The following EFCAB11 variants were observed in gnomAD, a reference collection of about 807,000 sequenced individuals.
EFCAB11 encodes the protein EF-hand calcium binding domain 11.
A neutral mutation model predicts 23.0 loss-of-function variants in EFCAB11; 14 were observed. That is an observed-to-expected ratio of 0.61 (90% CI 0.40 to 0.95). EFCAB11 has a LOEUF of 0.95. Among genes scored for constraint, EFCAB11 ranks in the 40% least tolerant of loss-of-function variants. The pLI, the probability that EFCAB11 is intolerant of heterozygous loss-of-function variation, is 0.00. For missense variants in EFCAB11, 198 were observed against 195.8 expected, an observed-to-expected ratio of 1.01 and a Z score of -0.07; for synonymous variants, 65 against 66.6, an observed-to-expected ratio of 0.98 and a Z score of 0.11.
At chr14:89,869,943 C>T (rs1888215426) in intron 5 of EFCAB11, among the ~76,000 whole-genome samples, 1 of 152,170 alleles carries the variant, frequency 6.6e-6, no homozygotes, top group Non-Finnish European at 1.5e-5. Context: ...TCACAGGGGA[C>T]ACAAAAAGCA....
At chr14:89,890,074 G>C (rs1338282655) in intron 5 of EFCAB11, among the ~76,000 whole-genome samples, 1 of 152,162 alleles carries the variant, frequency 6.6e-6, no homozygotes, top group Non-Finnish European at 1.5e-5. Context: ...TTTGTCGTAG[G>C]TATAAGTACT....
chr14:89,880,249 C>G (rs1888559634), intron 5 of EFCAB11, among the ~76,000 whole-genome samples: 1 of 152,194 alleles, frequency 6.6e-6, no homozygotes, highest in Non-Finnish European at 1.5e-5. Context: ...AGAGCACTCC[C>G]TTGTTCCTTT....
intron 5 of EFCAB11, among the ~76,000 whole-genome samples, chr14:89,881,466 T>TA (rs10524743): frequency 8.2e-5 from 10 of 122,228 alleles, no homozygotes; most frequent in African/African-American, 2.4e-4. Context: ...TATATATATA[T>TA]TCTTTTTTTT....
At chr14:89,924,910 A>G (rs772293677) in intron 5 of EFCAB11, among the ~76,000 whole-genome samples, 2 of 152,278 alleles carry the variant, frequency 1.3e-5, no homozygotes, top group Non-Finnish European at 2.9e-5. Context: ...ACTGCAGTGC[A>G]AAAGGCAACA....
chr14:89,920,903 A>G (rs762516087), intron 5 of EFCAB11, among the ~76,000 whole-genome samples: 1 of 152,076 alleles, frequency 6.6e-6, no homozygotes, highest in Non-Finnish European at 1.5e-5. Flanking sequence ...CATCTCTACT[A>G]TAAATACAAA....
At chr14:89,857,957 A>G (rs1192078002) in intron 5 of EFCAB11, among the ~76,000 whole-genome samples, 1 of 152,262 alleles carries the variant, frequency 6.6e-6, no homozygotes, top group Non-Finnish European at 1.5e-5. Flanking sequence ...TGGAGAAGAA[A>G]CTACATAAAT....
At chr14:89,877,512 C>T (rs1888477055) in intron 5 of EFCAB11, among the ~76,000 whole-genome samples, 1 of 152,140 alleles carries the variant, frequency 6.6e-6, no homozygotes, top group Admixed American at 6.6e-5. Context: ...ATCTTATTTC[C>T]TTGCTTCTCT....
intron 5 of EFCAB11, chr14:89,892,253 G>A (rs1888995510): frequency 4.3e-6 from 7 of 1,612,810 alleles, no homozygotes; most frequent in Non-Finnish European, 5.9e-6. Flanking sequence ...CATGGCCTTC[G>A]TGGAGACCTC....
At chr14:89,947,376 T>A (rs1016452610) in intron 3 of EFCAB11, among the ~76,000 whole-genome samples, 1 of 152,196 alleles carries the variant, frequency 6.6e-6, no homozygotes, top group Non-Finnish European at 1.5e-5. Flanking sequence ...CTTGGAAACA[T>A]GTTCTTCCAT....
At chr14:89,853,561 C>T (rs1242221241) in intron 5 of EFCAB11, among the ~76,000 whole-genome samples, 1 of 152,144 alleles carries the variant, frequency 6.6e-6, no homozygotes, top group Non-Finnish European at 1.5e-5. Context: ...AGTGGTGAGG[C>T]TGAGATTTTC....
intron 5 of EFCAB11, among the ~76,000 whole-genome samples, chr14:89,921,237 G>A (rs533610867): frequency 3.3e-5 from 5 of 152,252 alleles, no homozygotes; most frequent in African/African-American, 9.6e-5. Flanking sequence ...TATATGGCAA[G>A]AAGACCAGAA....
Position 89,797,212 on chromosome 14 carries a change from C to T in EFCAB11, c.*31G>A, listed in dbSNP as rs1196415633. On this transcript the variant is annotated 3_prime_UTR_variant, in exon 6 of 6. Coordinates refer to ENST00000316738, the MANE Select transcript of EFCAB11 (RefSeq NM_145231.4). ...TGCTGACATTACAATCTATTGATCTCCCCAGAGTTACCAAAAGTAGTTCAC... is the reference window on the plus strand; with the variant it reads ...TGCTGACATTACAATCTATTGATCTTCCCAGAGTTACCAAAAGTAGTTCAC... 1 of 1,584,132 alleles carries T rather than the reference C, an allele frequency of 6.3e-7. No homozygotes were observed. Among genetic ancestry groups the T allele is most frequent in the Non-Finnish European group, 8.7e-7 (1 of 1,154,748 alleles).
intron 5 of EFCAB11, among the ~76,000 whole-genome samples, chr14:89,927,384 C>T (rs1254952006): frequency 6.6e-6 from 1 of 152,170 alleles, no homozygotes; most frequent in East Asian, 1.9e-4. Context: ...TAGAATTCTC[C>T]CTCTCTAGCT....
At chr14:89,913,171 G>T (rs1307265640) in intron 5 of EFCAB11, among the ~76,000 whole-genome samples, 1 of 152,152 alleles carries the variant, frequency 6.6e-6, no homozygotes. Flanking sequence ...TGACAGGCCT[G>T]GTGTGCCCTG....
At chr14:89,865,883 G>C (rs964778019) in intron 5 of EFCAB11, among the ~76,000 whole-genome samples, 4 of 151,990 alleles carry the variant, frequency 2.6e-5, no homozygotes. Flanking sequence ...GGCCAGGCTG[G>C]TCTCGAACTC....
chr14:89,939,495 A>G (rs1272726265), intron 3 of EFCAB11, among the ~76,000 whole-genome samples: 1 of 152,196 alleles, frequency 6.6e-6, no homozygotes, highest in African/African-American at 2.4e-5. Context: ...CACCAGCAAC[A>G]GGAGCAGGAG....
At chr14:89,803,158 T>C (rs1450343517) in intron 5 of EFCAB11, among the ~76,000 whole-genome samples, 3 of 152,174 alleles carry the variant, frequency 2.0e-5, no homozygotes, top group East Asian at 1.9e-4. Context: ...TTGACAACCA[T>C]TGAGCCAGAG....
chr14:89,902,684 G>A lies in EFCAB11; in HGVS notation c.410+28857C>T, dbSNP rs550062155. Among the ~76,000 whole-genome samples the A allele has an allele frequency of 2.6e-5, 4 of 152,254 alleles. No homozygotes were observed. In the East Asian group the frequency reaches 7.7e-4, roughly 29 times the overall value. On this transcript the variant is annotated intron_variant, in intron 5 of 5. Coordinates refer to ENST00000316738, the MANE Select transcript of EFCAB11 (RefSeq NM_145231.4). Reference sequence around the variant, plus strand: ...ATTAGATTATTAACACTTAAGATTAGATATTAGAGAGAGTTGATACCACTC... The same window carrying A: ...ATTAGATTATTAACACTTAAGATTAAATATTAGAGAGAGTTGATACCACTC...
At chr14:89,847,306 C>G (rs1356194215) in intron 5 of EFCAB11, among the ~76,000 whole-genome samples, 1 of 152,178 alleles carries the variant, frequency 6.6e-6, no homozygotes, top group East Asian at 1.9e-4. Flanking sequence ...GCATCCTTGC[C>G]TTCTGCTTTT....
Sources: allele counts gnomAD v4.1 joint callset (sites outside exome capture counted in the v4.1 genomes callset), GRCh38; gene constraint gnomAD v4.1.1; transcripts MANE v1.5; gene names NCBI Gene and HGNC (gene_info 2026-07-23, HGNC 2026-07-21).